The following DISC1 variants were observed in gnomAD, a reference collection of about 807,000 sequenced individuals.
The protein encoded by DISC1 is disrupted in schizophrenia 1 protein.
In DISC1, 57 loss-of-function variants were observed where a neutral mutation model predicts 84.5. The observed-to-expected ratio is 0.67, with a 90% CI of 0.55 to 0.84. The LOEUF (loss-of-function observed/expected upper bound fraction) is 0.84. DISC1 is among the 40% of genes least tolerant of loss of function. DISC1 has a pLI of 0.00. For synonymous variants in DISC1, 411 were observed against 415.2 expected, an observed-to-expected ratio of 0.99 and a Z score of 0.12; for missense variants, 1,000 against 1,057.8, an observed-to-expected ratio of 0.95 and a Z score of 0.76.
chr1:231,937,545 C>T (rs896617134), intron 9 of DISC1, among the ~76,000 whole-genome samples: 14 of 152,206 alleles, frequency 9.2e-5, no homozygotes, highest in Non-Finnish European at 1.8e-4. Flanking sequence ...CAAAACCAGG[C>T]TCACATCTAT....
chr1:231,949,186 A>G (rs1288948145), intron 9 of DISC1, among the ~76,000 whole-genome samples: 1 of 152,010 alleles, frequency 6.6e-6, no homozygotes, highest in Non-Finnish European at 1.5e-5. Flanking sequence ...TTAATTTTTT[A>G]CACATACTTG....
At chr1:231,891,803 A>G (rs2087249128) in intron 9 of DISC1, among the ~76,000 whole-genome samples, 1 of 152,216 alleles carries the variant, frequency 6.6e-6, no homozygotes, top group African/African-American at 2.4e-5. Context: ...TCTTCCTGGT[A>G]GAAAGCACCA....
intron 10 of DISC1, among the ~76,000 whole-genome samples, chr1:231,977,927 T>C (rs935349409): frequency 6.6e-6 from 1 of 152,264 alleles, no homozygotes; most frequent in South Asian, 2.1e-4. Context: ...AAATGGTTTA[T>C]TCAAATTGAG....
At chr1:231,793,856 A>G (rs2078538388) in intron 6 of DISC1, among the ~76,000 whole-genome samples, 1 of 152,230 alleles carries the variant, frequency 6.6e-6, no homozygotes, top group African/African-American at 2.4e-5. Flanking sequence ...TAAAAATACA[A>G]CACTCATTTA....
chr1:231,953,450 T>A (rs1658847675), intron 9 of DISC1, among the ~76,000 whole-genome samples: 1 of 152,188 alleles, frequency 6.6e-6, no homozygotes, highest in Non-Finnish European at 1.5e-5. Context: ...CTTTCCTGGG[T>A]CTTTTCAGGA....
At chr1:231,627,176 C>G (rs954494549) in intron 1 of DISC1, among the ~76,000 whole-genome samples, 13 of 152,324 alleles carry the variant, frequency 8.5e-5, no homozygotes, top group African/African-American at 3.1e-4. Flanking sequence ...GTGCAGCGAT[C>G]CCCGGGACCC....
intron 9 of DISC1, among the ~76,000 whole-genome samples, chr1:231,822,126 C>A (rs916095062): frequency 1.3e-5 from 2 of 152,136 alleles, no homozygotes; most frequent in Non-Finnish European, 2.9e-5. Flanking sequence ...CACTGTAACT[C>A]AGCTATAAAG....
intron 9 of DISC1, among the ~76,000 whole-genome samples, chr1:231,900,971 C>T (rs1024982562): frequency 6.6e-6 from 1 of 152,130 alleles, no homozygotes; most frequent in Non-Finnish European, 1.5e-5. Flanking sequence ...GGTTGTGGGG[C>T]AGAAGTCAGC....
intron 10 of DISC1, among the ~76,000 whole-genome samples, chr1:231,986,129 TAA>T (rs1232839557): frequency 6.6e-6 from 1 of 152,264 alleles, no homozygotes; most frequent in African/African-American, 2.4e-5. Context: ...AAAGAATGCA[TAA>T]AAAGTGCCTC....
intron 9 of DISC1, among the ~76,000 whole-genome samples, chr1:231,877,073 C>T (rs537562509): frequency 6.8e-4 from 103 of 152,268 alleles, no homozygotes; most frequent in African/African-American, 2.1e-3. Context: ...GTCAAGTCAG[C>T]AGTCACAAGG....
At chr1:231,664,777 G>A (rs1054972776) in intron 1 of DISC1, among the ~76,000 whole-genome samples, 6 of 151,792 alleles carry the variant, frequency 4.0e-5, no homozygotes, top group South Asian at 2.1e-4. Flanking sequence ...ACCCTCGAAC[G>A]ACACAGGTTT....
chr1:231,695,854 T>C (rs1258368001), intron 2 of DISC1, among the ~76,000 whole-genome samples: 1 of 152,148 alleles, frequency 6.6e-6, no homozygotes, highest in East Asian at 1.9e-4. Context: ...ATCTATAGTC[T>C]GATGTTTCTA....
chr1:231,678,196 T>C (rs965446274), intron 1 of DISC1, among the ~76,000 whole-genome samples: 6 of 152,192 alleles, frequency 3.9e-5, no homozygotes, highest in African/African-American at 1.2e-4. Context: ...ATCTAATACA[T>C]ACATTGGTCT....
Position 231,765,065 on chromosome 1 carries a change from C to A in DISC1, c.1269-2075C>A, listed in dbSNP as rs559180678. Among the ~76,000 whole-genome samples, 4 of 152,114 alleles carry A rather than the reference C, an allele frequency of 2.6e-5. No homozygotes were observed. In the South Asian group the frequency reaches 8.3e-4, roughly 32 times the overall value. The stretch of plus-strand genomic sequence containing the variant: ...ATTAGCTGGCTGTGGTGGCGCGTGC[C>A]TGTAGTCCCAGCTACATTGGAGGCT... On this transcript the variant is annotated intron_variant, in intron 4 of 12. Coordinates refer to ENST00000439617, the MANE Select transcript of DISC1 (RefSeq NM_018662.3).
At chr1:231,793,553 C>CA (rs2078511039) in intron 6 of DISC1, among the ~76,000 whole-genome samples, 1 of 152,214 alleles carries the variant, frequency 6.6e-6, no homozygotes, top group African/African-American at 2.4e-5. Context: ...TGACCTCTAT[C>CA]ACTCTGCGGG....
intron 9 of DISC1, among the ~76,000 whole-genome samples, chr1:231,870,009 C>T (rs1186572411): frequency 6.6e-6 from 1 of 152,136 alleles, no homozygotes; most frequent in Non-Finnish European, 1.5e-5. Flanking sequence ...CCTCTGGGGG[C>T]ACTACTTGAG....
intron 9 of DISC1, among the ~76,000 whole-genome samples, chr1:231,952,691 TTATATATATATATATATATATATG>T (rs1188772018): frequency 9.9e-5 from 14 of 141,838 alleles, no homozygotes; most frequent in Middle Eastern, 3.4e-3. Flanking sequence ...ATATATATGT[TTATATATATATATATATATATATG>T]TATATATATA....
rs1015661513 is a variant in DISC1, at chr1:231,724,130, G to A, written c.1117+22106G>A. 4 of 699,868 alleles carry A rather than the reference G, an allele frequency of 5.7e-6. No homozygotes were observed. The Admixed American group carries it at 1.9e-4, about 33-fold the overall frequency. 43.4% of individuals were successfully genotyped at this position (699,868 alleles called of 1,614,324 possible). On this transcript the variant is annotated intron_variant, in intron 3 of 12. Transcript: ENST00000439617. ...GACCAGTATTTTGAACAATGGCCTT[G>A]GTACTTCATTTGGCTTTGCATGCTC...
At chr1:231,770,063 A>G (rs199794955) in intron 5 of DISC1, among the ~76,000 whole-genome samples, 12 of 152,156 alleles carry the variant, frequency 7.9e-5, no homozygotes, top group Non-Finnish European at 1.6e-4. Context: ...GTTAGGAGAC[A>G]CCCAGGATTA....
Sources: gnomAD v4.1 joint callset for allele counts (sites outside exome capture counted in the v4.1 genomes callset) on GRCh38, gnomAD v4.1.1 for gene constraint, MANE v1.5 for transcripts, NCBI Gene and HGNC (gene_info 2026-07-23, HGNC 2026-07-21) for gene names.